The following LRRC7 variants were observed in gnomAD, a reference collection of about 807,000 sequenced individuals.
The protein encoded by LRRC7 is leucine rich repeat containing 7, also known as leucine-rich repeat-containing protein 7.
Under a neutral mutation model 175.7 loss-of-function variants are expected in LRRC7, and 23 were observed. The observed-to-expected ratio is 0.13, with a 90% CI of 0.09 to 0.19. The LOEUF (loss-of-function observed/expected upper bound fraction) is 0.19, where lower values mean the gene tolerates loss of function less well. Among genes scored for constraint, LRRC7 ranks in the 10% least tolerant of loss-of-function variants. LRRC7 has a pLI of 1.00. For synonymous variants in LRRC7, 685 were observed against 680.9 expected (o/e 1.01, Z -0.09); for missense variants, 1,354 against 1,904.7 (o/e 0.71, Z 5.38).
At chr1:69,908,728 G>GA (rs932804133) in intron 7 of LRRC7, among the ~76,000 whole-genome samples, 11 of 119,468 alleles carry the variant, frequency 9.2e-5, no homozygotes, top group African/African-American at 3.9e-4. Context: ...GTGTGGTGCT[G>GA]AAAAAAATGT....
chr1:70,058,393 A>C (rs4650019), intron 23 of LRRC7, among the ~76,000 whole-genome samples: 23,406 of 152,196 alleles, frequency 0.15, 2,869 homozygotes, highest in African/African-American at 0.33. Context: ...TGTAAATCTG[A>C]CACCCCAAAA....
At chr1:69,724,335 C>CCA (rs1666696867) in intron 2 of LRRC7, among the ~76,000 whole-genome samples, 1 of 152,058 alleles carries the variant, frequency 6.6e-6, no homozygotes, top group Non-Finnish European at 1.5e-5. Context: ...GAACGAGACT[C>CCA]CATCTCAAAA....
chr1:69,892,885 A>T (rs1180911456), intron 7 of LRRC7, among the ~76,000 whole-genome samples: 1 of 152,164 alleles, frequency 6.6e-6, no homozygotes, highest in African/African-American at 2.4e-5. Context: ...TTGCCTACAG[A>T]GTATAGTTTT....
intron 5 of LRRC7, among the ~76,000 whole-genome samples, chr1:69,833,079 T>A (rs185039721): frequency 1.4e-5 from 2 of 147,156 alleles, no homozygotes; most frequent in African/African-American, 4.9e-5. Context: ...CACTCTAGCC[T>A]GGGAGACAAG....
At chr1:69,747,059 A>G (rs1669331927) in intron 2 of LRRC7, among the ~76,000 whole-genome samples, 1 of 152,110 alleles carries the variant, frequency 6.6e-6, no homozygotes, top group African/African-American at 2.4e-5. Flanking sequence ...CCTACTTTTT[A>G]GAAGGACATC....
chr1:69,660,071 T>C (rs1408476751), intron 1 of LRRC7, among the ~76,000 whole-genome samples: 1 of 151,932 alleles, frequency 6.6e-6, no homozygotes. Flanking sequence ...AGGCATATCT[T>C]AAATATAAGA....
Position 70,130,684 on chromosome 1 carries a change from C to G in LRRC7, c.*8797C>G, listed in dbSNP as rs1441850092. 6.6e-6 allele frequency among the ~76,000 whole-genome samples: 1 copy of G among 152,208 alleles called. No homozygotes were observed. Among genetic ancestry groups the G allele is most frequent in the African/African-American group, 2.4e-5 (1 of 41,448 alleles). On this transcript the variant is annotated 3_prime_UTR_variant, in exon 27 of 27. Transcript: ENST00000651989. Reference sequence around the variant, plus strand: ...TTTATTTAATTGGAGCACACCATATCTATCCTTTTGATTTGATTGGGTTTC... The same window carrying G: ...TTTATTTAATTGGAGCACACCATATGTATCCTTTTGATTTGATTGGGTTTC...
intron 2 of LRRC7, among the ~76,000 whole-genome samples, chr1:69,749,493 A>G (rs532908435): frequency 6.6e-6 from 1 of 152,206 alleles, no homozygotes; most frequent in Non-Finnish European, 1.5e-5. Flanking sequence ...AATGCACACT[A>G]TGACTAGAAA....
In LRRC7 at chr1:69,717,831, A is replaced by AAAG. The variant is rs1557641200; in HGVS notation, c.100+39356_100+39358dup. Among the ~76,000 whole-genome samples, 130 of 55,410 alleles carry AAAG rather than the reference A, an allele frequency of 2.3e-3. 21 individuals are homozygous for AAAG. Among genetic ancestry groups the AAAG allele is most frequent in the Non-Finnish European group, 2.9e-3 (85 of 29,282 alleles). The allele number at this position is 55,410 out of a possible 152,430, so 36.4% of individuals were successfully genotyped here. On this transcript the variant is annotated intron_variant, in intron 2 of 26. Coordinates refer to ENST00000651989, the MANE Select transcript of LRRC7 (RefSeq NM_001370785.2). ...GAAAGAAAGAAAGAAAGAAAGAAAGAAAGAAAGAAAAAAGAAAGAAAGGAA... is the reference window on the plus strand; with the variant it reads ...GAAAGAAAGAAAGAAAGAAAGAAAGAAAGAAGAAAGAAAAAAGAAAGAAAGGAA...
chr1:70,058,287 G>A (rs1276082741), intron 23 of LRRC7, among the ~76,000 whole-genome samples: 1 of 152,166 alleles, frequency 6.6e-6, no homozygotes, highest in Non-Finnish European at 1.5e-5. Flanking sequence ...TGGGATTATA[G>A]GCGAGAGCCA....
intron 21 of LRRC7, 120 bp downstream of exon 21, chr1:70,039,913 ATTTATC>A (rs1416770209): frequency 1.7e-5 from 21 of 1,272,068 alleles, no homozygotes; most frequent in South Asian, 4.8e-5. Context: ...TCAGTATTTT[ATTTATC>A]TTTATATTGT....
intron 23 of LRRC7, among the ~76,000 whole-genome samples, chr1:70,067,854 G>A (rs1194520697): frequency 6.6e-6 from 1 of 152,016 alleles, no homozygotes; most frequent in Non-Finnish European, 1.5e-5. Flanking sequence ...TTGTACCTAA[G>A]TATTGCATTT....
At chr1:69,858,768 G>A (rs1188775484) in intron 7 of LRRC7, among the ~76,000 whole-genome samples, 2 of 152,058 alleles carry the variant, frequency 1.3e-5, no homozygotes, top group Non-Finnish European at 2.9e-5. Flanking sequence ...AATGCCCATG[G>A]TGCTTGTGCT....
At chr1:70,042,807 C>G (rs17131152) in intron 21 of LRRC7, among the ~76,000 whole-genome samples, 339 of 152,210 alleles carry the variant, frequency 2.2e-3, no homozygotes, top group African/African-American at 7.6e-3. Context: ...AATAATGAAT[C>G]CATAACAAAT....
At chr1:69,796,127 C>A (rs1222801479) in intron 4 of LRRC7, among the ~76,000 whole-genome samples, 11 of 113,364 alleles carry the variant, frequency 9.7e-5, no homozygotes, top group Admixed American at 4.2e-4. Context: ...CCTCCCCCCA[C>A]CCCTCAACAG....
chr1:69,906,186 A>T (rs1030619844), intron 7 of LRRC7, among the ~76,000 whole-genome samples: 17 of 151,588 alleles, frequency 1.1e-4, no homozygotes, highest in African/African-American at 3.9e-4. Flanking sequence ...AGGTTGCAAA[A>T]TTTTTTCTCC....
chr1:69,792,833 A>AT (rs1675280111), intron 4 of LRRC7, among the ~76,000 whole-genome samples: 2 of 151,854 alleles, frequency 1.3e-5, no homozygotes, highest in African/African-American at 4.8e-5. Context: ...CAGGTTGATT[A>AT]TTTTTTCTCC....
intron 10 of LRRC7, among the ~76,000 whole-genome samples, 181 bp downstream of exon 10, chr1:69,986,567 G>A (rs192200139): frequency 2.8e-4 from 42 of 152,170 alleles, no homozygotes; most frequent in African/African-American, 6.3e-4. Context: ...ATATTAACTC[G>A]TTTCCAAATT....
chr1:69,581,924 G>T (rs890772032), intron 1 of LRRC7, among the ~76,000 whole-genome samples: 1 of 152,152 alleles, frequency 6.6e-6, no homozygotes, highest in Non-Finnish European at 1.5e-5. Context: ...GATAGTGTTT[G>T]TTTTAAGCCA....
Sources: allele counts gnomAD v4.1 joint callset (sites outside exome capture counted in the v4.1 genomes callset), GRCh38; gene constraint gnomAD v4.1.1; transcripts MANE v1.5; gene names NCBI Gene and HGNC (gene_info 2026-07-23, HGNC 2026-07-21).